WDR45B: variants seen among roughly 807,000 people sequenced by gnomAD.
WDR45B encodes WD repeat domain 45B, also known as WD repeat domain phosphoinositide-interacting protein 3.
In WDR45B, 20 loss-of-function variants were observed where a neutral mutation model predicts 44.6. That is an observed-to-expected ratio of 0.45 (90% CI 0.32 to 0.65). The LOEUF is 0.65. WDR45B is among the 30% of genes least tolerant of loss of function. The probability of loss-of-function intolerance (pLI) is 0.05; values close to 1 mark genes in which losing one functional copy is unlikely to be tolerated. For missense variants in WDR45B, 323 were observed against 430.2 expected (o/e 0.75, Z 2.20); for synonymous variants, 169 against 164.9 (o/e 1.02, Z -0.19).
intron 2 of WDR45B, among the ~76,000 whole-genome samples, chr17:82,643,348 G>A (rs987561061): frequency 2.6e-5 from 4 of 152,028 alleles, no homozygotes; most frequent in East Asian, 1.9e-4. Flanking sequence ...CAGGAGAACC[G>A]CTTGAACCCG....
rs1369914264 is a variant in WDR45B, at chr17:82,615,512, C to T, written c.*407G>A. The T allele has an allele frequency of 3.4e-6, 1 of 289,882 alleles. No homozygotes were observed. The highest frequency in any genetic ancestry group is 6.8e-6 in the Non-Finnish European group (1 of 147,356). 18.0% of individuals were successfully genotyped at this position (289,882 alleles called of 1,614,324 possible). On this transcript the variant is annotated 3_prime_UTR_variant, in exon 10 of 10. Coordinates refer to ENST00000392325, the MANE Select transcript of WDR45B (RefSeq NM_019613.4). ...GAACTTACATCTGCACACTTGTTCA[C>T]TCCCCCGCTGCAGACTCAGTAAGAA...
At chr17:82,621,560 C>A (rs986348680) in intron 6 of WDR45B, 49 bp downstream of exon 6, 1 of 1,612,314 alleles carries the variant, frequency 6.2e-7, no homozygotes. Context: ...TTTTGCTGAG[C>A]CTGCTGCTCC....
In WDR45B at chr17:82,643,930, A is replaced by C. The variant is rs766828383; in HGVS notation, c.142+19T>G. 1.2e-6 allele frequency: 2 copies of C among 1,612,572 alleles called. No individual in the cohort carries two copies. The highest frequency in any genetic ancestry group is 4.5e-5 in the East Asian group (2 of 44,868). ...GGTTGGAAAGGGGAGAAACCAGAAA[A>C]TGTCCCGTTAATTCTTACCTTGTTT... On this transcript the variant is annotated intron_variant, in intron 2 of 9. Coordinates refer to ENST00000392325, the MANE Select transcript of WDR45B (RefSeq NM_019613.4).
intron 8 of WDR45B, 69 bp downstream of exon 8, chr17:82,617,227 G>A (rs1158739716): frequency 2.3e-5 from 34 of 1,460,848 alleles, no homozygotes; most frequent in Middle Eastern, 4.8e-4. Flanking sequence ...GGCCTGTCCC[G>A]TCCACACTGA....
intron 9 of WDR45B, 116 bp downstream of exon 9, chr17:82,616,408 G>A (rs2045535887): frequency 7.9e-6 from 12 of 1,517,034 alleles, no homozygotes; most frequent in East Asian, 2.3e-5. Context: ...GGAACTGGGC[G>A]GCCATCGGTG....
intron 2 of WDR45B, among the ~76,000 whole-genome samples, chr17:82,634,604 G>GT (rs1453390995): frequency 2.6e-5 from 4 of 152,060 alleles, no homozygotes; most frequent in Non-Finnish European, 5.9e-5. Context: ...ACCCACGCTT[G>GT]TAGCAGCATC....
intron 2 of WDR45B, among the ~76,000 whole-genome samples, chr17:82,639,884 G>A (rs1157853962): frequency 9.2e-4 from 109 of 118,516 alleles, no homozygotes; most frequent in Non-Finnish European, 1.7e-3. Flanking sequence ...GTGTGGGTCG[G>A]GAGGGCTGCT....
intron 3 of WDR45B, among the ~76,000 whole-genome samples, chr17:82,629,005 TAAATA>T (rs993959364): frequency 7.2e-5 from 11 of 152,054 alleles, no homozygotes; most frequent in African/African-American, 2.7e-4. Context: ...GTCTCAAAAC[TAAATA>T]AATAAAAATC....
At position 82,627,274 on chromosome 17, in the gene WDR45B, G is replaced by C. The variant is rs926477924; in HGVS notation, c.262C>G (p.Leu88Val). The C allele has an allele frequency of 6.2e-7, 1 of 1,612,464 alleles. No individual in the cohort carries two copies. Among genetic ancestry groups the C allele is most frequent in the Admixed American group, 1.7e-5 (1 of 60,010 alleles). ...ATTTCAATAACAGTCTTCTTCTTCA[G>C]GTCATCCCAGATCATTACTGAAATA... ...PPNKVMIWDDLKKKTVIEIEF... is the reference protein window; with the variant it reads ...PPNKVMIWDDVKKKTVIEIEF... Residue 88 changes from leucine to valine, a missense_variant, in exon 4 of 10, where the codon CTG (leucine) becomes GTG (valine). Coordinates refer to ENST00000392325, the MANE Select transcript of WDR45B (RefSeq NM_019613.4).
At position 82,617,170 on chromosome 17, in the gene WDR45B, C is replaced by T. The variant is rs560422075; in HGVS notation, c.806+126G>A. ...TAAAATTAAATGAAAAAGATTTCAG[C>T]GCTGATAGCATATGAGGTCTGTCCA... On this transcript the variant is annotated intron_variant, in intron 8 of 9. Coordinates refer to ENST00000392325, the MANE Select transcript of WDR45B (RefSeq NM_019613.4). 45 of 824,904 alleles carry T rather than the reference C, an allele frequency of 5.5e-5. 1 individual carries two copies. Among genetic ancestry groups the T allele is most frequent in the Non-Finnish European group, 7.1e-5 (35 of 494,418 alleles). The allele number at this position is 824,904 out of a possible 1,614,324, so 51.1% of individuals were successfully genotyped here.
At chr17:82,639,261 T>C (rs1283675547) in intron 2 of WDR45B, among the ~76,000 whole-genome samples, 1 of 152,046 alleles carries the variant, frequency 6.6e-6, no homozygotes, top group Non-Finnish European at 1.5e-5. Context: ...TCTTACCGCA[T>C]GAAGCACCAT....
chr17:82,620,568 G>A (rs930819139), intron 6 of WDR45B, among the ~76,000 whole-genome samples: 3 of 152,234 alleles, frequency 2.0e-5, no homozygotes, highest in Admixed American at 6.5e-5. Context: ...CACTGGCACC[G>A]CGTGAAAGGG....
At chr17:82,639,609 C>G (rs1011895384) in intron 2 of WDR45B, among the ~76,000 whole-genome samples, 2 of 151,034 alleles carry the variant, frequency 1.3e-5, no homozygotes, top group East Asian at 1.9e-4. Flanking sequence ...GCACACAGCA[C>G]GAAGCCTGCA....
intron 2 of WDR45B, among the ~76,000 whole-genome samples, chr17:82,637,056 G>A (rs531154924): frequency 6.6e-6 from 1 of 152,052 alleles, no homozygotes; most frequent in Non-Finnish European, 1.5e-5. Flanking sequence ...CTGATGCAAG[G>A]GGCACCCTTC....
Position 82,627,178 on chromosome 17 carries a change from T to A in WDR45B, c.332+26A>T, listed in dbSNP as rs766342750. On this transcript the variant is annotated intron_variant, in intron 4 of 9. Coordinates refer to ENST00000392325, the MANE Select transcript of WDR45B (RefSeq NM_019613.4). Reference sequence around the variant, plus strand: ...CTTTTGAGAAAGTGAAATACCACTTTAAAAAATTACTGACACCAAACCCAC... The same window carrying A: ...CTTTTGAGAAAGTGAAATACCACTTAAAAAAATTACTGACACCAAACCCAC... The A allele has an allele frequency of 5.7e-6, 9 of 1,580,416 alleles. No homozygotes were observed. In the African/African-American group the frequency reaches 1.1e-4, roughly 19 times the overall value.
intron 2 of WDR45B, among the ~76,000 whole-genome samples, chr17:82,632,895 G>A (rs1015251241): frequency 2.6e-5 from 4 of 152,022 alleles, no homozygotes; most frequent in South Asian, 2.1e-4. Flanking sequence ...TTCGCCGGCC[G>A]CAGTGGCTCA....
intron 5 of WDR45B, among the ~76,000 whole-genome samples, chr17:82,622,705 T>C (rs1483222931): frequency 1.3e-5 from 2 of 152,176 alleles, no homozygotes; most frequent in Non-Finnish European, 2.9e-5. Flanking sequence ...GTGCTGCGAT[T>C]ACAGGCATGA....
At chr17:82,621,887 A>T in intron 5 of WDR45B, 88 bp from the exon 6 acceptor site, 1 of 1,335,940 alleles carries the variant, frequency 7.5e-7, no homozygotes, top group Non-Finnish European at 1.1e-6. Flanking sequence ...TTCTCCGAAA[A>T]AATAGATGTA....
At chr17:82,644,221 T>C (rs1285351529) in intron 1 of WDR45B, 198 bp from the exon 2 acceptor site, 6 of 633,894 alleles carry the variant, frequency 9.5e-6, no homozygotes, top group South Asian at 3.6e-5. Context: ...ATTTTGTTTG[T>C]CCTTTAGCAA....
Sources: gnomAD v4.1 joint callset for allele counts (sites outside exome capture counted in the v4.1 genomes callset) on GRCh38, gnomAD v4.1.1 for gene constraint, MANE v1.5 for transcripts, NCBI Gene and HGNC (gene_info 2026-07-23, HGNC 2026-07-21) for gene names.